The following CDC42BPB variants were observed in gnomAD, a reference collection of about 807,000 sequenced individuals.
CDC42BPB encodes serine/threonine-protein kinase MRCK beta.
A neutral mutation model predicts 214.9 loss-of-function variants in CDC42BPB; 37 were observed. The observed-to-expected ratio is 0.17, with a 90% CI of 0.13 to 0.23. The LOEUF is 0.23. Ranked by LOEUF, CDC42BPB falls within the 10% of genes least tolerant of loss-of-function variation. The pLI is 1.00. For missense variants in CDC42BPB, 1,694 were observed against 2,227.0 expected (o/e 0.76, Z 4.82); for synonymous variants, 931 against 884.0 (o/e 1.05, Z -0.94).
intron 1 of CDC42BPB, among the ~76,000 whole-genome samples, chr14:103,037,307 CT>C (rs1220072641): frequency 2.0e-5 from 3 of 151,622 alleles, no homozygotes; most frequent in Non-Finnish European, 4.4e-5. Context: ...TTTTCTTTTT[CT>C]TTTTGACAGC....
intron 36 of CDC42BPB, 29 bp downstream of exon 36, chr14:102,938,075 C>T (rs1891718649): frequency 1.2e-6 from 2 of 1,611,240 alleles, no homozygotes; most frequent in Non-Finnish European, 1.7e-6. Context: ...TGGCTCATAG[C>T]CTCAGCACTG....
intron 26 of CDC42BPB, among the ~76,000 whole-genome samples, chr14:102,949,183 C>T (rs1183988074): frequency 2.0e-5 from 3 of 152,214 alleles, no homozygotes; most frequent in South Asian, 4.1e-4. Context: ...CAACAACATT[C>T]CACATGCCAG....
At chr14:103,012,409 G>T in intron 1 of CDC42BPB, 1 of 328,444 alleles carries the variant, frequency 3.0e-6, no homozygotes, top group Non-Finnish European at 4.4e-6. Context: ...TTGCAGCCAC[G>T]CACTGGGTAA....
intron 24 of CDC42BPB, among the ~76,000 whole-genome samples, chr14:102,951,601 C>A (rs2139396843): frequency 6.6e-6 from 1 of 152,242 alleles, no homozygotes; most frequent in South Asian, 2.1e-4. Flanking sequence ...CCAGCCTGGG[C>A]AACATGGCGA....
intron 1 of CDC42BPB, among the ~76,000 whole-genome samples, chr14:103,028,776 C>A (rs1483212487): frequency 2.6e-5 from 4 of 152,228 alleles, no homozygotes; most frequent in Admixed American, 2.0e-4. Flanking sequence ...ATGCAATTCT[C>A]CCTTAATAGG....
intron 36 of CDC42BPB, among the ~76,000 whole-genome samples, chr14:102,935,451 T>C (rs980250043): frequency 6.6e-6 from 1 of 152,168 alleles, no homozygotes; most frequent in African/African-American, 2.4e-5. Flanking sequence ...ATAGCTTAAA[T>C]AAATGGAACA....
chr14:102,954,417 G>A (rs896400370), intron 22 of CDC42BPB, 142 bp from the exon 23 acceptor site: 54 of 1,442,060 alleles, frequency 3.7e-5, no homozygotes, highest in Non-Finnish European at 4.8e-5. Context: ...TGAGACATCT[G>A]CGGAAGCCTC....
rs1223449779 is a variant in CDC42BPB at position 102,933,349 on chromosome 14, T to C, written c.*363A>G. 1.5e-5 allele frequency: 3 copies of C among 202,034 alleles called. No individual in the cohort carries two copies. The highest frequency in any genetic ancestry group is 3.0e-5 in the Non-Finnish European group (3 of 101,352). The allele number at this position is 202,034 out of a possible 1,614,324, so 12.5% of individuals were successfully genotyped here. A position where few individuals can be genotyped will look rare whatever the true frequency, so the allele number is the denominator to read the frequency against. On this transcript the variant is annotated 3_prime_UTR_variant, in exon 37 of 37. Transcript: ENST00000361246. ...GAAAAGACTGGGTACTGAGGCTGTG[T>C]CCCCAGATGTCTGCTTCCGAAGCAG...
chr14:103,031,214 C>T (rs368475642), intron 1 of CDC42BPB, among the ~76,000 whole-genome samples: 3 of 152,006 alleles, frequency 2.0e-5, no homozygotes, highest in Non-Finnish European at 4.4e-5. Context: ...GCTCCTGTAT[C>T]GTCATCTTTG....
Position 102,966,283 on chromosome 14 carries a change from A to T in CDC42BPB, c.2576T>A (p.Leu859Gln). Residue 859 changes from leucine to glutamine, a missense_variant and splice_region_variant, in exon 18 of 37, where the codon CTG becomes CAG. By Grantham distance (113) the Leu-to-Gln change is moderately radical. Transcript: ENST00000361246. ...ATGCAGGCATTACACAAAACCTACC[A>T]GTGTTCTTGACCCCAGACTAGAACT... ...LRSSSLGSRT[L>Q]DPLWKVRRSQ... The T allele has an allele frequency of 6.2e-7, 1 of 1,609,184 alleles. No homozygotes were observed. The highest frequency in any genetic ancestry group is 8.5e-7 in the Non-Finnish European group (1 of 1,175,536).
intron 34 of CDC42BPB, 41 bp from the exon 35 acceptor site, chr14:102,938,452 C>A (rs1368499290): frequency 6.0e-6 from 9 of 1,506,812 alleles, no homozygotes; most frequent in Non-Finnish European, 7.9e-6. Flanking sequence ...TTGGTTGACA[C>A]CCGGCAGGGC....
chr14:102,970,920 C>T (rs1893445160), intron 13 of CDC42BPB, among the ~76,000 whole-genome samples: 1 of 152,200 alleles, frequency 6.6e-6, no homozygotes. Context: ...GCTTCCAGGC[C>T]TTCTCATTTA....
rs1008940407 is a variant in CDC42BPB at position 102,943,670 on chromosome 14, G to A, written c.4408+221C>T. On this transcript the variant is annotated intron_variant, in intron 30 of 36. Coordinates refer to ENST00000361246, the MANE Select transcript of CDC42BPB (RefSeq NM_006035.4). This position sits in a 1 kb window ranked among gnomAD's most constrained non-coding sequence, Gnocchi z 4.6. ...AGGCCTCTGGAAGAACCGGCCCCAT[G>A]TGCTCAGGGAGAGAGGTTGCTGAGC... The A allele has an allele frequency of 7.3e-6, 4 of 546,840 alleles. No homozygotes were observed. The highest frequency in any genetic ancestry group is 5.7e-5 in the African/African-American group (3 of 52,738). The allele number at this position is 546,840 out of a possible 1,614,324, so 33.9% of individuals were successfully genotyped here. A position where few individuals can be genotyped will look rare whatever the true frequency, so the allele number is the denominator to read the frequency against.
chr14:102,988,406 A>C (rs1894346467), intron 5 of CDC42BPB, among the ~76,000 whole-genome samples: 1 of 152,140 alleles, frequency 6.6e-6, no homozygotes, highest in Admixed American at 6.5e-5. Context: ...CATAAGATTA[A>C]AAAAAAGAAA....
chr14:102,993,000 T>C (rs1271644400), intron 5 of CDC42BPB, among the ~76,000 whole-genome samples: 1 of 151,856 alleles, frequency 6.6e-6, no homozygotes, highest in Non-Finnish European at 1.5e-5. Flanking sequence ...AGCTAGTTTT[T>C]TGTATTTTTA....
chr14:102,945,159 AG>A (rs1892099661), intron 29 of CDC42BPB: 1 of 442,598 alleles, frequency 2.3e-6, no homozygotes. Context: ...CTGTCGGGAA[AG>A]GACTATGGCT....
intron 1 of CDC42BPB, among the ~76,000 whole-genome samples, chr14:103,020,476 C>T (rs1166630487): frequency 2.0e-5 from 3 of 152,240 alleles, no homozygotes; most frequent in Non-Finnish European, 4.4e-5. Context: ...AGGCACCTAC[C>T]GACGGCCCAG....
chr14:102,986,321 T>G, intron 6 of CDC42BPB, 166 bp downstream of exon 6: 1 of 564,898 alleles, frequency 1.8e-6, no homozygotes, highest in Non-Finnish European at 3.2e-6. Flanking sequence ...AATTTTTATT[T>G]GGGAAACAAA....
rs34442241 is a variant in CDC42BPB, at chr14:102,942,891, C to T, written c.4408+1000G>A. On this transcript the variant is annotated intron_variant, in intron 30 of 36. Transcript: ENST00000361246. Reference sequence around the variant, plus strand: ...GGCTAGTTTGTTTGTTTGTTTAAGACGGAGTCTCGCTCTGTTGTCCAGGCT... The same window carrying T: ...GGCTAGTTTGTTTGTTTGTTTAAGATGGAGTCTCGCTCTGTTGTCCAGGCT... Among the ~76,000 whole-genome samples, 973 of 152,172 alleles carry T rather than the reference C, an allele frequency of 6.4e-3. 12 individuals carry two copies. The highest frequency in any genetic ancestry group is 0.022 in the African/African-American group (896 of 41,522).
Sources: allele counts gnomAD v4.1 joint callset (sites outside exome capture counted in the v4.1 genomes callset), GRCh38; gene constraint gnomAD v4.1.1; non-coding constraint Gnocchi (gnomAD v3.1); transcripts MANE v1.5; gene names NCBI Gene and HGNC (gene_info 2026-07-23, HGNC 2026-07-21).